Variants in OR3A3 observed in about 807,000 individuals in gnomAD.
OR3A3 encodes the protein olfactory receptor family 3 subfamily A member 3.
For missense variants in OR3A3, 275 were observed against 391.4 expected, an observed-to-expected ratio of 0.70 and a Z score of 2.51; for synonymous variants, 103 against 163.9, an observed-to-expected ratio of 0.63 and a Z score of 2.84.
chr17:3,411,770 G>A (rs943701673), intron 1 of OR3A3, among the ~76,000 whole-genome samples: 8 of 152,230 alleles, frequency 5.3e-5, no homozygotes, highest in African/African-American at 1.9e-4. Context: ...TGAGGACATA[G>A]GCAAGTCCTG....
chr17:3,418,242 C>A (rs1040258223), intron 2 of OR3A3, among the ~76,000 whole-genome samples: 3 of 152,070 alleles, frequency 2.0e-5, no homozygotes, highest in African/African-American at 7.2e-5. Flanking sequence ...TCTTGAGTAT[C>A]TTTAACTAGA....
intron 2 of OR3A3, among the ~76,000 whole-genome samples, chr17:3,413,552 C>T (rs1218387741): frequency 2.0e-5 from 3 of 152,104 alleles, no homozygotes; most frequent in Non-Finnish European, 2.9e-5. Context: ...CGGTGGCTCA[C>T]GCCTGTAATC....
exon 2 of OR3A3, chr17:3,412,075 T>C (rs2072365342): frequency 6.6e-6 from 1 of 152,086 alleles, no homozygotes; most frequent in East Asian, 1.9e-4. Flanking sequence ...TCTCAGTCAT[T>C]AGCCCCTCAC....
At chr17:3,418,846 GA>G (rs766021570) in intron 2 of OR3A3, among the ~76,000 whole-genome samples, 2 of 152,112 alleles carry the variant, frequency 1.3e-5, no homozygotes, top group Non-Finnish European at 2.9e-5. Context: ...TAAAGACATT[GA>G]TATTTTTTTG....
chr17:3,416,708 T>C (rs1298478174), intron 2 of OR3A3, among the ~76,000 whole-genome samples: 1 of 152,112 alleles, frequency 6.6e-6, no homozygotes, highest in Non-Finnish European at 1.5e-5. Context: ...TTTATTGAAA[T>C]ATAATAGTTG....
chr17:3,419,120 T>C (rs1396625907), intron 2 of OR3A3, among the ~76,000 whole-genome samples: 1 of 152,142 alleles, frequency 6.6e-6, no homozygotes, highest in Non-Finnish European at 1.5e-5. Flanking sequence ...CAAAGTCCAG[T>C]GTAAGGATTT....
intron 1 of OR3A3, among the ~76,000 whole-genome samples, chr17:3,411,712 A>C (rs1166010165): frequency 6.6e-6 from 1 of 152,194 alleles, no homozygotes; most frequent in Non-Finnish European, 1.5e-5. Flanking sequence ...TCTCCTTAGA[A>C]AGCCCATATA....
intron 2 of OR3A3, among the ~76,000 whole-genome samples, chr17:3,418,757 C>T (rs940741087): frequency 1.3e-5 from 2 of 152,130 alleles, no homozygotes; most frequent in Non-Finnish European, 2.9e-5. Flanking sequence ...GACTCCAACC[C>T]CTTCCCATCT....
chr17:3,416,970 C>T (rs1330368380), intron 2 of OR3A3, among the ~76,000 whole-genome samples: 2 of 151,708 alleles, frequency 1.3e-5, no homozygotes, highest in Non-Finnish European at 2.9e-5. Context: ...TTATCTTTAT[C>T]ACTCCTTCCC....
At chr17:3,419,287 G>C (rs191400921) in intron 2 of OR3A3, among the ~76,000 whole-genome samples, 3 of 152,226 alleles carry the variant, frequency 2.0e-5, no homozygotes, top group African/African-American at 7.2e-5. Context: ...ACCTTCACTT[G>C]ATCTTCACTA....
At chr17:3,418,271 T>C (rs900949752) in intron 2 of OR3A3, among the ~76,000 whole-genome samples, 1 of 152,244 alleles carries the variant, frequency 6.6e-6, no homozygotes, top group African/African-American at 2.4e-5. Context: ...TGGTTCCCTT[T>C]TGAAGTCTAA....
At chr17:3,421,512 G>T in exon 3 of OR3A3, 3 of 1,532,264 alleles carry the variant, frequency 2.0e-6, no homozygotes, top group South Asian at 1.3e-5. Flanking sequence ...AGCTACTTGT[G>T]GGGAAGCGAT....
intron 2 of OR3A3, among the ~76,000 whole-genome samples, chr17:3,415,574 A>C (rs1597375407): frequency 6.7e-6 from 1 of 149,976 alleles, no homozygotes; most frequent in Middle Eastern, 3.4e-3. Flanking sequence ...AAAAAAAAAA[A>C]AGAAAAGAAA....
At chr17:3,418,857 G>C (rs763626287) in intron 2 of OR3A3, among the ~76,000 whole-genome samples, 1 of 151,992 alleles carries the variant, frequency 6.6e-6, no homozygotes, top group Non-Finnish European at 1.5e-5. Flanking sequence ...ATATTTTTTT[G>C]ATTCAGAGTT....
intron 2 of OR3A3, among the ~76,000 whole-genome samples, chr17:3,415,798 AATTATTATTATTATTATTATTATTATT>A: frequency 1.1e-5 from 1 of 90,584 alleles, no homozygotes; most frequent in Middle Eastern, 7.1e-3. Flanking sequence ...CTTATTTTTA[AATTATTATTATTATTATTATTATTATT>A]ATTATTATTA....
At chr17:3,419,972 T>C (rs2072418584) in intron 2 of OR3A3, among the ~76,000 whole-genome samples, 1 of 152,148 alleles carries the variant, frequency 6.6e-6, no homozygotes, top group African/African-American at 2.4e-5. Context: ...TTTCGCTGTG[T>C]TAGCCAGGAT....
chr17:3,420,557 C>T (rs754618047), intron 2 of OR3A3, 23 bp from the exon 3 acceptor site: 5 of 1,561,662 alleles, frequency 3.2e-6, no homozygotes, highest in East Asian at 2.2e-5. Flanking sequence ...TGATACCTCC[C>T]CTGCTGGGAC....
chr17:3,417,597 C>T (rs546944145), intron 2 of OR3A3, among the ~76,000 whole-genome samples: 4 of 152,226 alleles, frequency 2.6e-5, no homozygotes, highest in African/African-American at 9.6e-5. Context: ...CATAGAACAA[C>T]TATTCTTGAG....
Position 3,413,820 on chromosome 17 carries a change from C to CA in OR3A3, c.-7+1658dup, listed in dbSNP as rs966613780. Among the ~76,000 whole-genome samples, 764 of 86,482 alleles carry CA rather than the reference C, an allele frequency of 8.8e-3. 7 individuals are homozygous for CA. The highest frequency in any genetic ancestry group is 0.028 in the African/African-American group (664 of 23,912). The allele number at this position is 86,482 out of a possible 152,430, so 56.7% of individuals were successfully genotyped here. A position where few individuals can be genotyped will look rare whatever the true frequency, so the allele number is the denominator to read the frequency against. On this transcript the variant is annotated intron_variant, in intron 2 of 2. Transcript: ENST00000641141. ...CTGGTGATAGAGCAAGACTCCATCT[C>CA]AAAAAAAAACAAAAAAACAAAAAAC...
Sources: allele counts gnomAD v4.1 joint callset (sites outside exome capture counted in the v4.1 genomes callset), GRCh38; gene constraint gnomAD v4.1.1; transcripts MANE v1.5; gene names NCBI Gene and HGNC (gene_info 2026-07-23, HGNC 2026-07-21).